The following CLVS1 variants were observed in gnomAD, a reference collection of about 807,000 sequenced individuals.
CLVS1 encodes the protein clavesin 1, also known as clavesin-1.
Under a neutral mutation model 33.1 loss-of-function variants are expected in CLVS1, and 10 were observed. That is an observed-to-expected ratio of 0.30 (90% CI 0.19 to 0.51). CLVS1 has a LOEUF of 0.51. CLVS1 is among the 20% of genes least tolerant of loss of function. The pLI is 0.97. For synonymous variants in CLVS1, 163 were observed against 166.1 expected (o/e 0.98, Z 0.14); for missense variants, 343 against 433.4 (o/e 0.79, Z 1.85).
intron 4 of CLVS1, among the ~76,000 whole-genome samples, chr8:61,457,230 C>T (rs1431669214): frequency 6.6e-6 from 1 of 152,154 alleles, no homozygotes; most frequent in Non-Finnish European, 1.5e-5. Flanking sequence ...AGCCACTGCA[C>T]GTGGCCCACG....
chr8:61,153,454 A>C (rs527292546), intron 2 of CLVS1, among the ~76,000 whole-genome samples: 1 of 152,382 alleles, frequency 6.6e-6, no homozygotes, highest in African/African-American at 2.4e-5. Context: ...TGGCTCTCCC[A>C]GATGGTGGCT....
the CLVS1 span, among the ~76,000 whole-genome samples, chr8:61,033,760 A>G: frequency 1.3e-5 from 2 of 152,216 alleles, no homozygotes; most frequent in Non-Finnish European, 2.9e-5. Flanking sequence ...GAGCTCTCTC[A>G]GGCTGCTGAA....
intron 3 of CLVS1, among the ~76,000 whole-genome samples, chr8:61,429,956 A>G (rs1816049441): frequency 6.6e-6 from 1 of 152,248 alleles, no homozygotes. Context: ...AGTTAAAAGC[A>G]CAAACAGTAG....
chr8:61,241,371 A>G (rs1808694733), intron 2 of CLVS1, among the ~76,000 whole-genome samples: 1 of 152,048 alleles, frequency 6.6e-6, no homozygotes, highest in Non-Finnish European at 1.5e-5. Flanking sequence ...TGCATTTCTG[A>G]GATAAGTCAA....
At chr8:61,335,811 G>T (rs1368695710) in intron 2 of CLVS1, among the ~76,000 whole-genome samples, 1 of 152,162 alleles carries the variant, frequency 6.6e-6, no homozygotes, top group Non-Finnish European at 1.5e-5. Context: ...GAGTATAAAA[G>T]CTAGGGGAGC....
intron 2 of CLVS1, among the ~76,000 whole-genome samples, chr8:61,148,261 T>C (rs896446625): frequency 6.6e-6 from 1 of 152,266 alleles, no homozygotes; most frequent in Non-Finnish European, 1.5e-5. Context: ...AATACTCATA[T>C]TCTTTCTCTG....
the CLVS1 span, among the ~76,000 whole-genome samples, chr8:61,036,915 C>A: frequency 6.6e-5 from 10 of 152,198 alleles, no homozygotes; most frequent in Non-Finnish European, 8.8e-5. Context: ...AGGAGTATTT[C>A]TAAACACCCA....
chr8:61,287,674 T>C (rs191314393), upstream of CLVS1, among the ~76,000 whole-genome samples: 39 of 152,296 alleles, frequency 2.6e-4, no homozygotes, highest in Admixed American at 2.4e-3. Context: ...CTTAATACCA[T>C]TTGTTAGTAA....
At chr8:61,109,063 A>G (rs1024817219) in intron 1 of CLVS1, among the ~76,000 whole-genome samples, 1 of 152,134 alleles carries the variant, frequency 6.6e-6, no homozygotes, top group African/African-American at 2.4e-5. Flanking sequence ...ACTTGACTAA[A>G]TGCTGGCTGA....
At chr8:61,102,533 C>A (rs1231104255) in intron 1 of CLVS1, among the ~76,000 whole-genome samples, 1 of 152,144 alleles carries the variant, frequency 6.6e-6, no homozygotes, top group African/African-American at 2.4e-5. Context: ...CAGATCATAT[C>A]ATCTGTGAAT....
chr8:61,152,829 T>C (rs2129295166), intron 2 of CLVS1, among the ~76,000 whole-genome samples: 1 of 152,316 alleles, frequency 6.6e-6, no homozygotes, highest in Non-Finnish European at 1.5e-5. Flanking sequence ...AATATATGAA[T>C]TTTGGAGAGT....
chr8:61,193,749 A>G (rs1807545281), intron 2 of CLVS1, among the ~76,000 whole-genome samples: 2 of 151,952 alleles, frequency 1.3e-5, no homozygotes, highest in Admixed American at 1.3e-4. Flanking sequence ...AAATTCTACA[A>G]GATACACCCA....
intron 2 of CLVS1, among the ~76,000 whole-genome samples, chr8:61,177,356 A>T (rs59296889): frequency 0.056 from 8,579 of 152,264 alleles, 284 homozygotes; most frequent in African/African-American, 0.079. Flanking sequence ...CACTAGCAGG[A>T]GGGGTGGCCA....
At chr8:61,270,495 C>T (rs1809414715) in intron 2 of CLVS1, among the ~76,000 whole-genome samples, 1 of 152,246 alleles carries the variant, frequency 6.6e-6, no homozygotes, top group South Asian at 2.1e-4. Context: ...TGTGTCTCTG[C>T]CTGGCTTTGG....
In CLVS1 at chr8:61,193,029, C is replaced by T. The variant is rs188353209; in HGVS notation, c.-152+61169C>T. Among the ~76,000 whole-genome samples, 32 of 152,198 alleles carry T rather than the reference C, an allele frequency of 2.1e-4. No homozygotes were observed. The East Asian group carries it at 3.9e-3, about 18-fold the overall frequency. On this transcript the variant is annotated intron_variant, in intron 2 of 2. Transcript: ENST00000522621. Reference sequence around the variant, plus strand: ...GCCATCCTATTACTGGGTATATACCCGAAGGATTATAAATCATGCTGCTAT... The same window carrying T: ...GCCATCCTATTACTGGGTATATACCTGAAGGATTATAAATCATGCTGCTAT...
intron 5 of CLVS1, among the ~76,000 whole-genome samples, chr8:61,463,305 A>G (rs1358387182): frequency 2.0e-5 from 3 of 151,950 alleles, no homozygotes; most frequent in Non-Finnish European, 4.4e-5. Flanking sequence ...AACTTTCTCC[A>G]TATCAGCAAT....
At chr8:61,462,543 G>A (rs1817405443) in intron 5 of CLVS1, among the ~76,000 whole-genome samples, 2 of 152,076 alleles carry the variant, frequency 1.3e-5, no homozygotes, top group Admixed American at 1.3e-4. Context: ...AATAAGATGT[G>A]AAAGTCATGG....
chr8:61,125,399 C>T (rs1271635717), intron 1 of CLVS1, among the ~76,000 whole-genome samples: 2 of 152,032 alleles, frequency 1.3e-5, no homozygotes, highest in Non-Finnish European at 2.9e-5. Flanking sequence ...GCAGCTTTAC[C>T]CATAAGGGGT....
At chr8:61,269,864 G>T (rs1451760774) in intron 2 of CLVS1, among the ~76,000 whole-genome samples, 1 of 150,280 alleles carries the variant, frequency 6.7e-6, no homozygotes, top group African/African-American at 2.5e-5. Context: ...CATTGATTTT[G>T]TATCCTGAGA....
Sources: gnomAD v4.1 joint callset for allele counts (sites outside exome capture counted in the v4.1 genomes callset) on GRCh38, gnomAD v4.1.1 for gene constraint, MANE v1.5 for transcripts, NCBI Gene and HGNC (gene_info 2026-07-23, HGNC 2026-07-21) for gene names.